Variants in XKR6 observed in about 807,000 individuals in gnomAD.
XKR6 encodes XK-related protein 6.
Under a neutral mutation model 56.7 loss-of-function variants are expected in XKR6, and 22 were observed. The ratio of observed to expected loss-of-function variants is 0.39; its 90% CI spans 0.28 to 0.55. XKR6 has a LOEUF of 0.55. XKR6 is among the 20% of genes least tolerant of loss of function. XKR6 has a pLI of 0.66. For missense variants in XKR6, 852 were observed against 889.0 expected, an observed-to-expected ratio of 0.96 and a Z score of 0.53; for synonymous variants, 524 against 387.8, an observed-to-expected ratio of 1.35 and a Z score of -4.13.
At chr8:11,114,964 C>T (rs73662699) in intron 1 of XKR6, among the ~76,000 whole-genome samples, 1 of 152,182 alleles carries the variant, frequency 6.6e-6, no homozygotes, top group African/African-American at 2.4e-5. Flanking sequence ...TTCTAAGCAC[C>T]GGAATTAAGT....
At chr8:11,141,024 G>C (rs1269591728) in intron 1 of XKR6, among the ~76,000 whole-genome samples, 1 of 151,782 alleles carries the variant, frequency 6.6e-6, no homozygotes, top group Non-Finnish European at 1.5e-5. Flanking sequence ...GTTACTTGCA[G>C]AATCAAGTTA....
chr8:11,154,165 G>C (rs1490650581), intron 1 of XKR6, among the ~76,000 whole-genome samples: 1 of 152,170 alleles, frequency 6.6e-6, no homozygotes, highest in African/African-American at 2.4e-5. Context: ...GGGTAGGGTT[G>C]GCCATATGAG....
chr8:11,138,831 T>C (rs928862312), intron 1 of XKR6, among the ~76,000 whole-genome samples: 1 of 151,958 alleles, frequency 6.6e-6, no homozygotes, highest in African/African-American at 2.4e-5. Flanking sequence ...CTATATTCTC[T>C]AAACAGGCAA....
At chr8:10,970,753 T>C (rs1472666602) in intron 1 of XKR6, among the ~76,000 whole-genome samples, 1 of 150,924 alleles carries the variant, frequency 6.6e-6, no homozygotes, top group African/African-American at 2.4e-5. Flanking sequence ...TGGGATAAAA[T>C]GTAATATTTT....
At chr8:11,148,101 T>C (rs573143597) in intron 1 of XKR6, among the ~76,000 whole-genome samples, 1 of 152,134 alleles carries the variant, frequency 6.6e-6, no homozygotes, top group Non-Finnish European at 1.5e-5. Flanking sequence ...TCCCAGCTAC[T>C]TGGGAAGCTG....
At chr8:11,149,502 G>C (rs1013966241) in intron 1 of XKR6, among the ~76,000 whole-genome samples, 3 of 151,926 alleles carry the variant, frequency 2.0e-5, no homozygotes, top group African/African-American at 7.3e-5. Flanking sequence ...TACATCTCAT[G>C]TTCAGAATGG....
intron 1 of XKR6, among the ~76,000 whole-genome samples, chr8:10,995,485 C>CAT (rs35051294): frequency 0.2 from 28,034 of 143,692 alleles, 2,990 homozygotes; most frequent in South Asian, 0.27. Flanking sequence ...AACCCTATAT[C>CAT]ATATATATAT....
chr8:11,114,205 A>T, intron 1 of XKR6: 1 of 314,826 alleles, frequency 3.2e-6, no homozygotes, highest in Non-Finnish European at 6.1e-6. Context: ...ATGAAAATGT[A>T]CACATTTCTA....
chr8:11,069,774 G>A (rs555339387), intron 1 of XKR6, among the ~76,000 whole-genome samples: 1 of 152,186 alleles, frequency 6.6e-6, no homozygotes, highest in Non-Finnish European at 1.5e-5. Flanking sequence ...GTGCACTACT[G>A]TGCAACTGGA....
At chr8:10,982,484 C>CCTG (rs1797757557) in intron 1 of XKR6, among the ~76,000 whole-genome samples, 1 of 152,216 alleles carries the variant, frequency 6.6e-6, no homozygotes, top group African/African-American at 2.4e-5. Context: ...TGCTTCTCTA[C>CCTG]AGTCTGTACC....
chr8:10,999,551 A>T (rs1798191653), intron 1 of XKR6, among the ~76,000 whole-genome samples: 1 of 152,230 alleles, frequency 6.6e-6, no homozygotes, highest in African/African-American at 2.4e-5. Flanking sequence ...ACCAGATTCT[A>T]GTTTCAGAAA....
intron 1 of XKR6, among the ~76,000 whole-genome samples, chr8:11,140,251 A>G (rs568131634): frequency 6.6e-6 from 1 of 152,362 alleles, no homozygotes; most frequent in South Asian, 2.1e-4. Flanking sequence ...AAGCAATGGA[A>G]CAGGACAAAT....
At chr8:10,971,049 G>C (rs987414819) in intron 1 of XKR6, among the ~76,000 whole-genome samples, 2 of 151,560 alleles carry the variant, frequency 1.3e-5, no homozygotes, top group South Asian at 4.2e-4. Context: ...AACCTGGCGT[G>C]TCTATTCTTT....
At chr8:10,999,652 A>G (rs1418451276) in intron 1 of XKR6, among the ~76,000 whole-genome samples, 2 of 152,232 alleles carry the variant, frequency 1.3e-5, no homozygotes, top group African/African-American at 4.8e-5. Context: ...CTAAAAAAGG[A>G]TGTTCTGCAG....
chr8:11,140,885 G>A (rs1407555441), intron 1 of XKR6, among the ~76,000 whole-genome samples: 7 of 125,384 alleles, frequency 5.6e-5, no homozygotes, highest in East Asian at 2.2e-4. Flanking sequence ...GCGACAGAGC[G>A]AGACTCTGTC....
chr8:11,068,633 G>C (rs995650567), intron 1 of XKR6, among the ~76,000 whole-genome samples: 11 of 152,162 alleles, frequency 7.2e-5, no homozygotes, highest in Non-Finnish European at 1.2e-4. Flanking sequence ...ACAGCTGTGT[G>C]GACATGGGCA....
chr8:11,185,169 C>T (rs139031814), intron 1 of XKR6, among the ~76,000 whole-genome samples: 50 of 152,252 alleles, frequency 3.3e-4, no homozygotes, highest in South Asian at 1.2e-3. Context: ...TGGTGCCCGC[C>T]GTGTGCCCTG....
intron 1 of XKR6, among the ~76,000 whole-genome samples, chr8:11,110,707 C>A (rs1281517847): frequency 2.6e-5 from 4 of 152,194 alleles, no homozygotes; most frequent in Admixed American, 2.0e-4. Context: ...GATAGCCGCT[C>A]GAGGACTTTC....
intron 1 of XKR6, among the ~76,000 whole-genome samples, chr8:10,948,019 G>T (rs545321294): frequency 6.6e-6 from 1 of 152,296 alleles, no homozygotes; most frequent in Non-Finnish European, 1.5e-5. Context: ...GTGCAGGGTG[G>T]GTTAGGGGAG....
Sources: gnomAD v4.1 joint callset for allele counts (sites outside exome capture counted in the v4.1 genomes callset) on GRCh38, gnomAD v4.1.1 for gene constraint, MANE v1.5 for transcripts, NCBI Gene and HGNC (gene_info 2026-07-23, HGNC 2026-07-21) for gene names.